The following PCLO variants were observed in gnomAD, a reference collection of about 807,000 sequenced individuals.
PCLO encodes piccolo presynaptic cytomatrix protein, also known as protein piccolo.
A neutral mutation model predicts 427.5 loss-of-function variants in PCLO; 82 were observed. The ratio of observed to expected loss-of-function variants is 0.19; its 90% confidence interval spans 0.16 to 0.23. PCLO has a LOEUF of 0.23. Ranked by LOEUF, PCLO falls within the 10% of genes least tolerant of loss-of-function variation. The pLI is 1.00. For missense variants in PCLO, 6,239 were observed against 6,115.9 expected (o/e 1.02, Z -0.67); for synonymous variants, 2,357 against 2,155.4 (o/e 1.09, Z -2.59).
At chr7:82,888,901 C>G (rs867175743) in intron 9 of PCLO, among the ~76,000 whole-genome samples, 1 of 152,090 alleles carries the variant, frequency 6.6e-6, no homozygotes, top group Non-Finnish European at 1.5e-5. Context: ...TTAGATGCTG[C>G]GTAATTTTCT....
intron 22 of PCLO, among the ~76,000 whole-genome samples, chr7:82,800,617 A>G (rs1400894548): frequency 6.6e-6 from 1 of 152,028 alleles, no homozygotes; most frequent in Admixed American, 6.6e-5. Context: ...ATTTTTTGAG[A>G]TGGAGTCTCC....
chr7:82,767,287 TA>T (rs1790552029), intron 22 of PCLO, among the ~76,000 whole-genome samples: 1 of 152,116 alleles, frequency 6.6e-6, no homozygotes, highest in African/African-American at 2.4e-5. Flanking sequence ...TTGGTCGTAT[TA>T]AAAGAATAAA....
At chr7:83,097,455 G>A (rs1437658841) in intron 3 of PCLO, among the ~76,000 whole-genome samples, 3 of 146,464 alleles carry the variant, frequency 2.0e-5, no homozygotes, top group Admixed American at 6.9e-5. Context: ...CCGGGAGGCG[G>A]AGCTTGCAGT....
rs1790275492 is a variant in PCLO, at chr7:82,754,419, CAT to C, written c.*4154_*4155del. 6.6e-6 allele frequency: 1 copy of C among 152,108 alleles called. No individual in the cohort carries two copies. Among genetic ancestry groups the C allele is most frequent in the African/African-American group, 2.4e-5 (1 of 41,444 alleles). The allele number at this position is 152,108 out of a possible 1,614,324, so 9.4% of individuals were successfully genotyped here. On this transcript the variant is annotated 3_prime_UTR_variant, in exon 25 of 25. Transcript: ENST00000333891. ...GACAAGAAAATTTTTTCTTAAACCT[CAT>C]ATGTGTTTTTAGGATATTAGCACAC... is the stretch of plus-strand genomic sequence containing the variant.
At chr7:82,820,877 A>G in intron 20 of PCLO, 3 of 1,230,994 alleles carry the variant, frequency 2.4e-6, no homozygotes, top group African/African-American at 3.1e-5. Flanking sequence ...ATTTCCCAAC[A>G]AAAGTCAAAA....
chr7:82,863,859 C>A (rs1474374931), intron 10 of PCLO, among the ~76,000 whole-genome samples: 1 of 151,928 alleles, frequency 6.6e-6, no homozygotes, highest in Non-Finnish European at 1.5e-5. Flanking sequence ...AAAATTTAAC[C>A]CATTTCACTT....
In PCLO at chr7:82,952,244, G is replaced by C. The variant is rs1326907942; in HGVS notation, c.8709C>G (p.Thr2903=). The C allele has an allele frequency of 3.1e-6, 5 of 1,613,800 alleles. No homozygotes were observed. The highest frequency in any genetic ancestry group is 4.2e-6 in the Non-Finnish European group (5 of 1,179,794). The stretch of plus-strand genomic sequence containing the variant: ...TTGTTACGACTGTTCTGTGAGACTT[G>C]GTTGTACTGAGATCCACTACTTCCC... The part of the protein sequence containing the change: ...TDGEVVDLST[T]KSHRTVVTMD... Residue 2903 remains threonine (T), a synonymous_variant, in exon 5 of 25, where the codon ACC becomes ACG. Transcript: ENST00000333891.
intron 3 of PCLO, among the ~76,000 whole-genome samples, chr7:83,033,589 G>C (rs547833378): frequency 6.6e-6 from 1 of 152,120 alleles, no homozygotes; most frequent in East Asian, 1.9e-4. Context: ...TGAAGCCTTT[G>C]CTGATAAACT....
chr7:83,038,081 A>T (rs7784240), intron 3 of PCLO, among the ~76,000 whole-genome samples: 4 of 78,488 alleles, frequency 5.1e-5, no homozygotes, highest in African/African-American at 1.9e-4. Context: ...ATTTATATAT[A>T]TATCTTTATA....
At chr7:82,782,263 G>A (rs1790888722) in intron 22 of PCLO, among the ~76,000 whole-genome samples, 1 of 152,128 alleles carries the variant, frequency 6.6e-6, no homozygotes, top group South Asian at 2.1e-4. Context: ...CCTAACCTCT[G>A]ACGTTTGGTC....
rs1360160146 is a variant in PCLO, at chr7:83,024,205, T to C, written c.3301-57718A>G. Among the ~76,000 whole-genome samples, 8 of 152,136 alleles carry C rather than the reference T, an allele frequency of 5.3e-5. No homozygotes were observed. In the South Asian group the frequency reaches 1.4e-3, roughly 28 times the overall value. On this transcript the variant is annotated intron_variant, in intron 3 of 24. Coordinates refer to ENST00000333891, the MANE Select transcript of PCLO (RefSeq NM_033026.6). ...TCCATCTGAGGTACTGGGTTCATCTTACTAGGGAGTGCCAGACAGTGGGCT... is the reference window on the plus strand; with the variant it reads ...TCCATCTGAGGTACTGGGTTCATCTCACTAGGGAGTGCCAGACAGTGGGCT...
chr7:82,891,819 T>C (rs1793774021), intron 9 of PCLO, among the ~76,000 whole-genome samples: 1 of 152,088 alleles, frequency 6.6e-6, no homozygotes, highest in Admixed American at 6.6e-5. Context: ...GTTGGTTCTG[T>C]TCATATGCTG....
intron 3 of PCLO, among the ~76,000 whole-genome samples, chr7:82,981,685 T>TA (rs142985254): frequency 0.074 from 11,200 of 152,140 alleles, 1,400 homozygotes; most frequent in African/African-American, 0.26. Flanking sequence ...GTTTTACTTG[T>TA]ATTTAGGTAT....
intron 6 of PCLO, among the ~76,000 whole-genome samples, chr7:82,949,256 TAC>T (rs369915572): frequency 3.2e-4 from 48 of 149,612 alleles, no homozygotes; most frequent in Admixed American, 4.7e-4. Context: ...TATGGTTTCC[TAC>T]ACACACACAC....
At chr7:83,141,283 C>A (rs143573982) in intron 2 of PCLO, among the ~76,000 whole-genome samples, 33 of 152,370 alleles carry the variant, frequency 2.2e-4, no homozygotes, top group Non-Finnish European at 4.4e-4. Flanking sequence ...AAGAATCCAA[C>A]TGTCTTAGAT....
At chr7:83,115,394 G>A (rs1157454224) in intron 3 of PCLO, among the ~76,000 whole-genome samples, 1 of 151,920 alleles carries the variant, frequency 6.6e-6, no homozygotes, top group African/African-American at 2.4e-5. Context: ...TAGTTATTCT[G>A]CCATGGCTAA....
chr7:82,953,691 G>T lies in PCLO; in HGVS notation c.7262C>A (p.Pro2421His), dbSNP rs1196374147. The T allele has an allele frequency of 1.8e-6, 2 of 1,083,698 alleles. No individual in the cohort carries two copies. The highest frequency in any genetic ancestry group is 1.5e-5 in the South Asian group (1 of 68,308). The allele number at this position is 1,083,698 out of a possible 1,614,324, so 67.1% of individuals were successfully genotyped here. The change falls in exon 5 of 25, where the codon CCC (proline) becomes CAC (histidine). Residue 2421 changes from proline (P) to histidine (H), a missense_variant. This residue lies in a region of PCLO where 4,677 missense variants were observed against 4,468.4 expected (regional missense o/e 1.05). Coordinates refer to ENST00000333891, the MANE Select transcript of PCLO (RefSeq NM_033026.6). The part of the protein sequence containing the change: ...PPPPPPPPPP[P>H]PPPPPLPPPT... ...TGGAGGAAGTGGTGGGGGAGGAGGGGGTGGTGGTGGAGGAGGAGGAGGAGG... is the reference window on the plus strand; with the variant it reads ...TGGAGGAAGTGGTGGGGGAGGAGGGTGTGGTGGTGGAGGAGGAGGAGGAGG...
intron 22 of PCLO, among the ~76,000 whole-genome samples, chr7:82,782,470 T>C (rs540965268): frequency 2.6e-5 from 4 of 152,356 alleles, no homozygotes; most frequent in Non-Finnish European, 4.4e-5. Flanking sequence ...GGACTGGCTA[T>C]GTCTGTTTTA....
At chr7:82,948,374 T>A (rs932573436) in intron 6 of PCLO, among the ~76,000 whole-genome samples, 8 of 152,104 alleles carry the variant, frequency 5.3e-5, no homozygotes, top group African/African-American at 1.7e-4. Flanking sequence ...TTATGACCAT[T>A]GATGTCTATA....
Sources: gnomAD v4.1 joint callset for allele counts (sites outside exome capture counted in the v4.1 genomes callset) on GRCh38, gnomAD v4.1.1 for gene constraint, gnomAD v4.1.1 regional missense constraint, MANE v1.5 for transcripts, NCBI Gene and HGNC (gene_info 2026-07-23, HGNC 2026-07-21) for gene names.